The following DYNC1I1 variants were observed in gnomAD, a reference collection of about 807,000 sequenced individuals.
DYNC1I1 encodes cytoplasmic dynein 1 intermediate chain 1.
Under a neutral mutation model 86.6 loss-of-function variants are expected in DYNC1I1, and 43 were observed. That is an observed-to-expected ratio of 0.50 (90% CI 0.39 to 0.64). The LOEUF is 0.64. Among genes scored for constraint, DYNC1I1 ranks in the 30% least tolerant of loss-of-function variants. The pLI is 0.00. For synonymous variants in DYNC1I1, 262 were observed against 283.7 expected (o/e 0.92, Z 0.77); for missense variants, 604 against 788.8 (o/e 0.77, Z 2.81).
chr7:96,002,211 C>G (rs1009614139), intron 10 of DYNC1I1, among the ~76,000 whole-genome samples: 2 of 152,164 alleles, frequency 1.3e-5, no homozygotes, highest in African/African-American at 4.8e-5. Context: ...CTGACTGGCT[C>G]CTCTCAATTA....
intron 6 of DYNC1I1, among the ~76,000 whole-genome samples, chr7:95,960,918 G>A (rs1792851053): frequency 6.6e-6 from 1 of 152,240 alleles, no homozygotes; most frequent in African/African-American, 2.4e-5. Context: ...ATGGTGCATA[G>A]TTATGCTTGT....
In DYNC1I1 at chr7:95,998,119, A is replaced by G. The variant is rs185517798; in HGVS notation, c.969+2046A>G. On this transcript the variant is annotated intron_variant, in intron 10 of 16. Coordinates refer to ENST00000447467, the MANE Select transcript of DYNC1I1 (RefSeq NM_001135556.2). ...AAATTTTCCCAACACTTCTGCCTTC[A>G]TGATCTCATTGATTGTACAACAGGG... is the stretch of plus-strand genomic sequence containing the variant. 1.1e-3 allele frequency among the ~76,000 whole-genome samples: 172 copies of G among 152,366 alleles called. No homozygotes were observed. In the Middle Eastern group the frequency reaches 0.014, roughly 12 times the overall value.
At chr7:96,078,186 C>T (rs1359754188) in intron 15 of DYNC1I1, among the ~76,000 whole-genome samples, 2 of 152,144 alleles carry the variant, frequency 1.3e-5, no homozygotes, top group East Asian at 3.9e-4. Flanking sequence ...CAGGTTATTC[C>T]AGCTGTTCCT....
rs187944351 is a variant in DYNC1I1 at position 96,044,464 on chromosome 7, T to A, written c.1509+5043T>A. ...TCAAGATGTTTTCTTTCCTTTTTTT[T>A]TTTCTTCTTGAGATTAGAGAGAGCT... On this transcript the variant is annotated intron_variant, in intron 14 of 16. Coordinates refer to ENST00000447467, the MANE Select transcript of DYNC1I1 (RefSeq NM_001135556.2). Among the ~76,000 whole-genome samples, 37 of 152,204 alleles carry A rather than the reference T, an allele frequency of 2.4e-4. No individual in the cohort carries two copies. In the East Asian group the frequency reaches 6.8e-3, roughly 28 times the overall value.
At position 95,928,362 on chromosome 7, in the gene DYNC1I1, C is replaced by CA. The variant is rs754091883; in HGVS notation, c.491-49144dup. Among the ~76,000 whole-genome samples the CA allele has an allele frequency of 6.3e-4, 96 of 152,198 alleles. 1 individual carries two copies. The highest frequency in any genetic ancestry group is 1.9e-3 in the Admixed American group (29 of 15,288). On this transcript the variant is annotated intron_variant, in intron 6 of 16. Coordinates refer to ENST00000447467, the MANE Select transcript of DYNC1I1 (RefSeq NM_001135556.2). ...TGTGCCTTTTAAAGACACCTCTATT[C>CA]AAAAAACACATTTTCCAGAGTGCTG... is the stretch of plus-strand genomic sequence containing the variant.
At chr7:96,018,836 T>A (rs1329257019) in intron 10 of DYNC1I1, among the ~76,000 whole-genome samples, 1 of 152,176 alleles carries the variant, frequency 6.6e-6, no homozygotes, top group South Asian at 2.1e-4. Context: ...AAGGGAAATA[T>A]CCAGACCTAC....
intron 14 of DYNC1I1, among the ~76,000 whole-genome samples, chr7:96,064,210 ATCTCTCTCTCTCTCTCTCTC>A (rs10557179): frequency 7.1e-6 from 1 of 140,930 alleles, no homozygotes; most frequent in East Asian, 2.1e-4. Context: ...AAATATTCAT[ATCTCTCTCTCTCTCTCTCTC>A]TCTCTCTCTC....
chr7:95,803,360 G>A (rs186409065), intron 1 of DYNC1I1, among the ~76,000 whole-genome samples: 46 of 152,316 alleles, frequency 3.0e-4, no homozygotes, highest in African/African-American at 1.0e-3. Flanking sequence ...TCATTATAAA[G>A]TGCCTAGCAC....
intron 16 of DYNC1I1, among the ~76,000 whole-genome samples, chr7:96,094,183 C>G (rs1790929832): frequency 1.3e-5 from 2 of 152,104 alleles, no homozygotes. Flanking sequence ...TGATTCACTA[C>G]TGTATCTTTA....
intron 10 of DYNC1I1, among the ~76,000 whole-genome samples, chr7:95,998,327 G>A (rs529924856): frequency 1.3e-5 from 2 of 152,350 alleles, no homozygotes; most frequent in South Asian, 2.1e-4. Context: ...AGCAAAGGCT[G>A]TACAGCCCAT....
At chr7:95,775,077 C>T (rs2115607094) in intron 1 of DYNC1I1, among the ~76,000 whole-genome samples, 1 of 152,290 alleles carries the variant, frequency 6.6e-6, no homozygotes, top group East Asian at 1.9e-4. Context: ...CAGGTGTTAA[C>T]TTATTTAAAC....
At chr7:95,824,638 A>G (rs184105666) in intron 4 of DYNC1I1, among the ~76,000 whole-genome samples, 11 of 152,366 alleles carry the variant, frequency 7.2e-5, no homozygotes, top group African/African-American at 2.4e-4. Flanking sequence ...AGGCAGTTGA[A>G]TAATCATCCT....
At chr7:95,810,348 A>G (rs774923117) in intron 2 of DYNC1I1, 44 bp from the exon 3 acceptor site, 1 of 1,518,978 alleles carries the variant, frequency 6.6e-7, no homozygotes, top group Non-Finnish European at 9.0e-7. Flanking sequence ...AAAAGCATAC[A>G]TTTAGTTATG....
At position 96,061,712 on chromosome 7, in the gene DYNC1I1, T is replaced by TCTCA. The variant is rs1554441137; in HGVS notation, c.1510-14344_1510-14343insTCAC. Among the ~76,000 whole-genome samples the TCTCA allele has an allele frequency of 3.9e-3, 528 of 136,900 alleles. 3 individuals are homozygous for TCTCA. Among genetic ancestry groups the TCTCA allele is most frequent in the East Asian group, 0.016 (70 of 4,502 alleles). The allele number at this position is 136,900 out of a possible 152,430, so 89.8% of individuals were successfully genotyped here. A position where few individuals can be genotyped will look rare whatever the true frequency, so the allele number is the denominator to read the frequency against. ...CTCCCTCCCTCTCTCTCTCTCTCTC[T>TCTCA]CACACACACACACACACACACACGC... On this transcript the variant is annotated intron_variant, in intron 14 of 16. Coordinates refer to ENST00000447467, the MANE Select transcript of DYNC1I1 (RefSeq NM_001135556.2).
At chr7:95,987,816 T>A (rs756939717) in intron 9 of DYNC1I1, among the ~76,000 whole-genome samples, 6 of 152,178 alleles carry the variant, frequency 3.9e-5, no homozygotes, top group Non-Finnish European at 7.3e-5. Flanking sequence ...TTTTCATATA[T>A]CCCAAATCCT....
intron 6 of DYNC1I1, among the ~76,000 whole-genome samples, chr7:95,907,313 A>AGT (rs1048042966): frequency 1.3e-5 from 2 of 152,208 alleles, no homozygotes; most frequent in Non-Finnish European, 1.5e-5. Context: ...AAGGTCACAC[A>AGT]GTGTGTGCTT....
Position 95,804,342 on chromosome 7 carries a change from C to T in DYNC1I1, c.-9-379C>T, listed in dbSNP as rs952225774. Reference sequence around the variant, plus strand: ...TTTCTCAGTGTGGGGATGAATTGCTCCATTATCATCTAAATTGGAAGTCAT... The same window carrying T: ...TTTCTCAGTGTGGGGATGAATTGCTTCATTATCATCTAAATTGGAAGTCAT... On this transcript the variant is annotated intron_variant, in intron 1 of 16. Transcript: ENST00000447467. 2.4e-6 allele frequency: 3 copies of T among 1,274,226 alleles called. No individual in the cohort carries two copies. In the African/African-American group the frequency reaches 4.6e-5, roughly 20 times the overall value. The allele number at this position is 1,274,226 out of a possible 1,614,324, so 78.9% of individuals were successfully genotyped here.
intron 7 of DYNC1I1, among the ~76,000 whole-genome samples, chr7:95,979,869 T>G (rs1285731932): frequency 1.3e-5 from 2 of 152,142 alleles, no homozygotes; most frequent in East Asian, 3.8e-4. Context: ...TAAAAACGTC[T>G]TTTAAAAAAA....
intron 6 of DYNC1I1, among the ~76,000 whole-genome samples, chr7:95,965,667 T>C (rs971042000): frequency 1.2e-4 from 18 of 152,066 alleles, no homozygotes; most frequent in Non-Finnish European, 1.0e-4. Context: ...TGGCAACTCA[T>C]GTATTTAACC....
Sources: allele counts gnomAD v4.1 joint callset (sites outside exome capture counted in the v4.1 genomes callset), GRCh38; gene constraint gnomAD v4.1.1; transcripts MANE v1.5; gene names NCBI Gene and HGNC (gene_info 2026-07-23, HGNC 2026-07-21).